Variants in ATRNL1 observed in about 807,000 individuals in gnomAD.
ATRNL1 encodes attractin-like protein 1.
A neutral mutation model predicts 182.7 loss-of-function variants in ATRNL1; 95 were observed. The observed-to-expected ratio is 0.52, with a 90% CI of 0.44 to 0.62. The LOEUF (loss-of-function observed/expected upper bound fraction) is 0.62. Among genes scored for constraint, ATRNL1 ranks in the 20% least tolerant of loss-of-function variants. The probability of loss-of-function intolerance (pLI) is 0.00; values close to 1 mark genes in which losing one functional copy is unlikely to be tolerated. For synonymous variants in ATRNL1, 576 were observed against 568.3 expected, an observed-to-expected ratio of 1.01 and a Z score of -0.19; for missense variants, 1,471 against 1,679.5, an observed-to-expected ratio of 0.88 and a Z score of 2.17.
chr10:115,604,882 G>A (rs1300502098), intron 26 of ATRNL1, among the ~76,000 whole-genome samples: 1 of 151,638 alleles, frequency 6.6e-6, no homozygotes, highest in African/African-American at 2.4e-5. Flanking sequence ...ATCTTATTTT[G>A]CTTGATTTTT....
At chr10:115,733,057 C>A (rs1474613639) in intron 27 of ATRNL1, among the ~76,000 whole-genome samples, 2 of 152,020 alleles carry the variant, frequency 1.3e-5, no homozygotes, top group Admixed American at 6.6e-5. Context: ...TTAGAAGTTT[C>A]TTATAAAAAT....
chr10:115,749,579 A>G (rs1235500613), intron 27 of ATRNL1, among the ~76,000 whole-genome samples: 3 of 151,910 alleles, frequency 2.0e-5, no homozygotes, highest in Admixed American at 6.6e-5. Context: ...TAATATTATT[A>G]TCCTCAGAAT....
intron 21 of ATRNL1, among the ~76,000 whole-genome samples, chr10:115,429,860 G>T (rs191783436): frequency 1.3e-5 from 2 of 152,228 alleles, no homozygotes; most frequent in African/African-American, 4.8e-5. Context: ...GAGGTCAGGA[G>T]ATCGAGACCA....
At chr10:115,509,778 G>A (rs1290835580) in intron 24 of ATRNL1, among the ~76,000 whole-genome samples, 1 of 151,902 alleles carries the variant, frequency 6.6e-6, no homozygotes, top group Admixed American at 6.6e-5. Context: ...GAGTAATTTT[G>A]ATTTTTTGTA....
chr10:115,324,362 A>G lies in ATRNL1; in HGVS notation c.3037+8626A>G, dbSNP rs186578594. On this transcript the variant is annotated intron_variant, in intron 18 of 28. Transcript: ENST00000355044. ...GCAGAAAGGAATAGTTGTGATAGAGACTGTCCTGCAAAGCATAAAATGCTA... is the reference window on the plus strand; with the variant it reads ...GCAGAAAGGAATAGTTGTGATAGAGGCTGTCCTGCAAAGCATAAAATGCTA... 6.7e-3 allele frequency among the ~76,000 whole-genome samples: 1,021 copies of G among 152,270 alleles called. 47 individuals carry two copies. The highest frequency in any genetic ancestry group is 0.061 in the Admixed American group (929 of 15,294).
intron 27 of ATRNL1, among the ~76,000 whole-genome samples, chr10:115,822,686 A>G (rs562600459): frequency 1.1e-4 from 16 of 152,342 alleles, no homozygotes; most frequent in African/African-American, 3.6e-4. Context: ...TCTAGAAGAA[A>G]TGGATAAATT....
At chr10:115,112,919 C>T (rs1844321126) in intron 1 of ATRNL1, among the ~76,000 whole-genome samples, 1 of 152,116 alleles carries the variant, frequency 6.6e-6, no homozygotes, top group South Asian at 2.1e-4. Flanking sequence ...GTGCCAAAAC[C>T]ACTCGGACCA....
At chr10:115,579,196 A>G (rs1854916430) in intron 26 of ATRNL1, among the ~76,000 whole-genome samples, 1 of 151,780 alleles carries the variant, frequency 6.6e-6, no homozygotes, top group Non-Finnish European at 1.5e-5. Context: ...AGAATGTTCT[A>G]TATATGTTGA....
chr10:115,400,272 G>A (rs1408796371), intron 20 of ATRNL1, among the ~76,000 whole-genome samples: 1 of 151,962 alleles, frequency 6.6e-6, no homozygotes, highest in African/African-American at 2.4e-5. Flanking sequence ...AGACTTAAAT[G>A]TAAAACTATA....
intron 27 of ATRNL1, among the ~76,000 whole-genome samples, chr10:115,748,852 A>C (rs1434881773): frequency 1.3e-5 from 2 of 151,928 alleles, no homozygotes; most frequent in African/African-American, 4.8e-5. Context: ...CTCCCTTAGG[A>C]ATCTTAATTC....
chr10:115,240,781 G>A (rs1157827286), intron 9 of ATRNL1, among the ~76,000 whole-genome samples: 5 of 151,678 alleles, frequency 3.3e-5, no homozygotes, highest in Non-Finnish European at 5.9e-5. Flanking sequence ...ATAATTGTGA[G>A]CATATATTTA....
At chr10:115,852,379 G>C (rs1951077191) in intron 28 of ATRNL1, among the ~76,000 whole-genome samples, 1 of 152,124 alleles carries the variant, frequency 6.6e-6, no homozygotes, top group Non-Finnish European at 1.5e-5. Context: ...TTTACTCATG[G>C]TGTCATGGAT....
At chr10:115,347,344 T>C (rs947839386) in intron 19 of ATRNL1, among the ~76,000 whole-genome samples, 1 of 152,162 alleles carries the variant, frequency 6.6e-6, no homozygotes, top group African/African-American at 2.4e-5. Context: ...TATATGGTGA[T>C]GTGATGGGTA....
intron 26 of ATRNL1, among the ~76,000 whole-genome samples, chr10:115,672,147 T>G (rs1456260938): frequency 6.6e-6 from 1 of 152,110 alleles, no homozygotes; most frequent in African/African-American, 2.4e-5. Context: ...ACGACTACCA[T>G]TTATATATGC....
At chr10:115,245,567 A>T (rs1554903937) in intron 10 of ATRNL1, among the ~76,000 whole-genome samples, 1 of 151,720 alleles carries the variant, frequency 6.6e-6, no homozygotes, top group East Asian at 1.9e-4. Flanking sequence ...GATTTTGTCC[A>T]ACTGTTTGGA....
At chr10:115,529,939 A>T (rs901413792) in intron 25 of ATRNL1, among the ~76,000 whole-genome samples, 2 of 152,140 alleles carry the variant, frequency 1.3e-5, no homozygotes, top group Admixed American at 6.5e-5. Flanking sequence ...CTTTCTGTCC[A>T]TAGATTTGCC....
At chr10:115,476,853 A>G (rs1472226153) in intron 24 of ATRNL1, among the ~76,000 whole-genome samples, 2 of 151,300 alleles carry the variant, frequency 1.3e-5, no homozygotes, top group Non-Finnish European at 3.0e-5. Flanking sequence ...TTTTCTTACA[A>G]CTGGCATATT....
intron 27 of ATRNL1, among the ~76,000 whole-genome samples, chr10:115,759,841 A>ATTTTTTTT (rs58578796): frequency 0.1 from 6,209 of 62,210 alleles, 2 homozygotes; most frequent in Non-Finnish European, 0.12. Context: ...ACACCTGGCT[A>ATTTTTTTT]TTTTTTTTTT....
At chr10:115,532,910 T>A (rs1851685126) in intron 25 of ATRNL1, among the ~76,000 whole-genome samples, 1 of 151,922 alleles carries the variant, frequency 6.6e-6, no homozygotes, top group Non-Finnish European at 1.5e-5. Context: ...ATATGCTGGA[T>A]TACATTTATT....
Sources: gnomAD v4.1 joint callset for allele counts (sites outside exome capture counted in the v4.1 genomes callset) on GRCh38, gnomAD v4.1.1 for gene constraint, MANE v1.5 for transcripts, NCBI Gene and HGNC (gene_info 2026-07-23, HGNC 2026-07-21) for gene names.